KCTD3: variants seen among roughly 807,000 people sequenced by gnomAD.
KCTD3 encodes BTB/POZ domain-containing protein KCTD3.
Under a neutral mutation model 85.8 loss-of-function variants are expected in KCTD3, and 41 were observed. The observed-to-expected ratio is 0.48, with a 90% CI of 0.37 to 0.62. The LOEUF (loss-of-function observed/expected upper bound fraction) is 0.62. Among genes scored for constraint, KCTD3 ranks in the 20% least tolerant of loss-of-function variants. KCTD3 has a pLI of 0.00. For missense variants in KCTD3, 724 were observed against 989.9 expected (o/e 0.73, Z 3.60); for synonymous variants, 338 against 345.4 (o/e 0.98, Z 0.24).
intron 3 of KCTD3, 146 bp from the exon 4 acceptor site, chr1:215,575,755 A>G (rs1455425012): frequency 7.3e-6 from 4 of 547,572 alleles, no homozygotes; most frequent in Non-Finnish European, 1.3e-5. Context: ...ACTACATTCC[A>G]ATTTTAGAAA....
chr1:215,590,051 AGT>A (rs911317477), intron 9 of KCTD3, among the ~76,000 whole-genome samples: 1 of 152,198 alleles, frequency 6.6e-6, no homozygotes, highest in African/African-American at 2.4e-5. Context: ...TTTTACTTGC[AGT>A]GTGTGAGAGT....
intron 1 of KCTD3, among the ~76,000 whole-genome samples, chr1:215,572,683 G>A (rs907899512): frequency 1.3e-5 from 2 of 152,214 alleles, no homozygotes; most frequent in African/African-American, 4.8e-5. Flanking sequence ...ACAATAGATG[G>A]ATGATACAGT....
At chr1:215,608,206 C>T (rs775041920) in intron 14 of KCTD3, 34 bp downstream of exon 14, 1 of 1,498,322 alleles carries the variant, frequency 6.7e-7, no homozygotes, top group South Asian at 1.2e-5. Context: ...TTTTTAGGTA[C>T]TATATTAACT....
At chr1:215,600,264 A>G (rs1654780558) in intron 10 of KCTD3, among the ~76,000 whole-genome samples, 1 of 152,224 alleles carries the variant, frequency 6.6e-6, no homozygotes, top group South Asian at 2.1e-4. Context: ...AATTAGGATT[A>G]TATACAGGAA....
chr1:215,619,909 C>T, intron 17 of KCTD3, 148 bp from the exon 18 acceptor site: 1 of 508,628 alleles, frequency 2.0e-6, no homozygotes, highest in Non-Finnish European at 3.3e-6. Flanking sequence ...ATAAAGAGTA[C>T]TTGATAAGTA....
At chr1:215,608,556 A>G (rs1655117370) in intron 14 of KCTD3, among the ~76,000 whole-genome samples, 1 of 152,000 alleles carries the variant, frequency 6.6e-6, no homozygotes, top group Non-Finnish European at 1.5e-5. Context: ...GTCCCTATAA[A>G]TGAGAGTCAT....
At chr1:215,572,468 G>A (rs1038680109) in intron 1 of KCTD3, among the ~76,000 whole-genome samples, 1 of 152,196 alleles carries the variant, frequency 6.6e-6, no homozygotes, top group African/African-American at 2.4e-5. Context: ...AGATCTGTGA[G>A]ACTTCTGACA....
At chr1:215,617,956 TAC>T (rs1655520930) in intron 15 of KCTD3, 2 of 215,550 alleles carry the variant, frequency 9.3e-6, no homozygotes, top group Admixed American at 5.0e-5. Flanking sequence ...TCATTTGTTC[TAC>T]AGTTTATCAT....
At chr1:215,577,265 G>T (rs1659623510) in intron 4 of KCTD3, among the ~76,000 whole-genome samples, 1 of 151,970 alleles carries the variant, frequency 6.6e-6, no homozygotes, top group Non-Finnish European at 1.5e-5. Context: ...GGAATTTATA[G>T]TGTAATTGGG....
chr1:215,575,742 C>T (rs1659548067), intron 3 of KCTD3, among the ~76,000 whole-genome samples, 159 bp from the exon 4 acceptor site: 1 of 152,098 alleles, frequency 6.6e-6, no homozygotes. Context: ...GAAATGCACA[C>T]AGACTACATT....
chr1:215,581,468 G>A (rs1659822812), intron 8 of KCTD3, among the ~76,000 whole-genome samples: 1 of 152,028 alleles, frequency 6.6e-6, no homozygotes, highest in Non-Finnish European at 1.5e-5. Flanking sequence ...TACATATTAT[G>A]TACATATTTT....
chr1:215,568,484 CG>C (rs1477513839), intron 1 of KCTD3, among the ~76,000 whole-genome samples: 33 of 23,802 alleles, frequency 1.4e-3, no homozygotes, highest in African/African-American at 2.7e-3. Context: ...TCTGGCCTTC[CG>C]CCCCCCCCCC....
chr1:215,580,276 C>T (rs1659769033), intron 8 of KCTD3, among the ~76,000 whole-genome samples: 1 of 152,116 alleles, frequency 6.6e-6, no homozygotes, highest in Non-Finnish European at 1.5e-5. Flanking sequence ...TTATTTATTG[C>T]TTATACCTAG....
chr1:215,598,314 G>C (rs1388200010), intron 10 of KCTD3, among the ~76,000 whole-genome samples: 1 of 152,104 alleles, frequency 6.6e-6, no homozygotes, highest in African/African-American at 2.4e-5. Flanking sequence ...GGAGATGCAA[G>C]AGGAAACCAT....
chr1:215,608,676 C>T (rs1186392015), intron 14 of KCTD3, among the ~76,000 whole-genome samples: 1 of 151,874 alleles, frequency 6.6e-6, no homozygotes, highest in Admixed American at 6.6e-5. Context: ...TCTCTATACA[C>T]CATACATACG....
At chr1:215,594,005 G>A (rs1348659695) in intron 9 of KCTD3, among the ~76,000 whole-genome samples, 1 of 151,766 alleles carries the variant, frequency 6.6e-6, no homozygotes, top group Non-Finnish European at 1.5e-5. Context: ...GATTACAGGC[G>A]TGTGCTACCA....
At chr1:215,579,551 T>C (rs906922030) in intron 7 of KCTD3, among the ~76,000 whole-genome samples, 1 of 150,918 alleles carries the variant, frequency 6.6e-6, no homozygotes, top group African/African-American at 2.4e-5. Context: ...CAGGCTGGAG[T>C]GCAGTGGTGC....
At position 215,620,581 on chromosome 1, in the gene KCTD3, A is replaced by C; in HGVS notation, c.2411A>C (p.Lys804Thr). The change falls in exon 18 of 18, where the codon AAA (lysine) becomes ACA (threonine). Residue 804 changes from lysine (K) to threonine (T), a missense_variant. This residue lies in a region of KCTD3 where 222 missense variants were observed against 217.7 expected (regional missense o/e 1.02). Coordinates refer to ENST00000259154, the MANE Select transcript of KCTD3 (RefSeq NM_016121.5). ...PTKTTPSPRHKKSDSSGQEYS... is the reference protein window; with the variant it reads ...PTKTTPSPRHTKSDSSGQEYS... ...AAGACTACTCCATCTCCTCGGCATA[A>C]AAAAAGTGATTCTTCAGGTCAGGAG... 1 of 1,607,194 alleles carries C rather than the reference A, an allele frequency of 6.2e-7. No individual in the cohort carries two copies. Among genetic ancestry groups the C allele is most frequent in the Non-Finnish European group, 8.5e-7 (1 of 1,177,594 alleles).
chr1:215,571,554 T>C (rs1033085699), intron 1 of KCTD3, among the ~76,000 whole-genome samples: 2 of 152,244 alleles, frequency 1.3e-5, no homozygotes, highest in Non-Finnish European at 2.9e-5. Flanking sequence ...TTACTGTCTT[T>C]CCTTCAGTTA....
Sources: allele counts gnomAD v4.1 joint callset (sites outside exome capture counted in the v4.1 genomes callset), GRCh38; gene constraint gnomAD v4.1.1; regional missense constraint gnomAD v4.1.1; transcripts MANE v1.5; gene names NCBI Gene and HGNC (gene_info 2026-07-23, HGNC 2026-07-21).